LIPK: variants seen among roughly 807,000 people sequenced by gnomAD.
LIPK encodes the protein lipase family member K.
A neutral mutation model predicts 48.6 loss-of-function variants in LIPK; 32 were observed. That is an observed-to-expected ratio of 0.66 (90% confidence interval 0.50 to 0.88). The LOEUF is 0.88. LIPK is among the 40% of genes least tolerant of loss of function. LIPK has a pLI of 0.00. For missense variants in LIPK, 507 were observed against 478.5 expected (o/e 1.06, Z -0.56); for synonymous variants, 164 against 157.4 (o/e 1.04, Z -0.32).
intron 1 of LIPK, among the ~76,000 whole-genome samples, chr10:88,723,362 T>C (rs1455721804): frequency 2.0e-5 from 3 of 152,184 alleles, no homozygotes; most frequent in Non-Finnish European, 4.4e-5. Context: ...TGCACCAGAA[T>C]CAAGCTATAT....
intron 8 of LIPK, among the ~76,000 whole-genome samples, chr10:88,742,849 C>T (rs770468457): frequency 3.7e-4 from 56 of 151,898 alleles, no homozygotes; most frequent in Non-Finnish European, 6.8e-4. Flanking sequence ...TGTATAATAA[C>T]AATAGCAGTA....
intron 6 of LIPK, among the ~76,000 whole-genome samples, chr10:88,735,337 G>A (rs1018505147): frequency 2.6e-5 from 4 of 151,918 alleles, no homozygotes; most frequent in Non-Finnish European, 5.9e-5. Flanking sequence ...CTTTGCTTTT[G>A]ACGTGTCTCT....
At chr10:88,748,126 C>G (rs1394323785) in intron 9 of LIPK, among the ~76,000 whole-genome samples, 1 of 152,108 alleles carries the variant, frequency 6.6e-6, no homozygotes, top group Admixed American at 6.5e-5. Flanking sequence ...GACACGGATG[C>G]AGCTGGAAGC....
intron 9 of LIPK, among the ~76,000 whole-genome samples, chr10:88,747,381 GAACCTAATACAGC>G (rs1465123560): frequency 2.0e-5 from 3 of 152,048 alleles, no homozygotes; most frequent in Non-Finnish European, 2.9e-5. Context: ...AAATACTAGT[GAACCTAATACAGC>G]AACACATCAA....
intron 1 of LIPK, among the ~76,000 whole-genome samples, chr10:88,709,807 A>G (rs1216446892): frequency 6.6e-6 from 1 of 152,120 alleles, no homozygotes. Context: ...AACAATTCAC[A>G]TCGTAAGATT....
intron 1 of LIPK, among the ~76,000 whole-genome samples, chr10:88,715,900 C>G (rs1231537071): frequency 1.3e-5 from 2 of 151,854 alleles, no homozygotes; most frequent in African/African-American, 4.8e-5. Flanking sequence ...TTAAAATATG[C>G]CTACCTCAAG....
At chr10:88,710,217 A>G (rs1469889591) in intron 1 of LIPK, among the ~76,000 whole-genome samples, 1 of 152,164 alleles carries the variant, frequency 6.6e-6, no homozygotes, top group African/African-American at 2.4e-5. Context: ...AATTAAAGCA[A>G]TCTTGTACAA....
At chr10:88,726,752 G>C in intron 2 of LIPK, 43 bp from the exon 3 acceptor site, 1 of 927,720 alleles carries the variant, frequency 1.1e-6, no homozygotes, top group Non-Finnish European at 1.7e-6. Context: ...TAAAAATTAA[G>C]AGATTATAAC....
intron 3 of LIPK, among the ~76,000 whole-genome samples, chr10:88,729,578 A>C (rs1842424027): frequency 6.6e-6 from 1 of 152,238 alleles, no homozygotes; most frequent in Admixed American, 6.5e-5. Context: ...TTCATGAGAC[A>C]AAAAGCTGTA....
At chr10:88,745,091 T>G (rs954141907) in intron 9 of LIPK, among the ~76,000 whole-genome samples, 4 of 152,170 alleles carry the variant, frequency 2.6e-5, no homozygotes, top group African/African-American at 9.6e-5. Flanking sequence ...GAAAAAAGAA[T>G]TTAAAAAATG....
At chr10:88,720,775 C>T (rs547466887) in intron 1 of LIPK, among the ~76,000 whole-genome samples, 2 of 152,010 alleles carry the variant, frequency 1.3e-5, no homozygotes, top group Admixed American at 1.3e-4. Flanking sequence ...AATATGTACA[C>T]ATACATATAT....
At chr10:88,722,776 T>A (rs1042714892) in intron 1 of LIPK, among the ~76,000 whole-genome samples, 2 of 152,150 alleles carry the variant, frequency 1.3e-5, no homozygotes, top group African/African-American at 4.8e-5. Context: ...TCCATGACCA[T>A]CTGTTTGATG....
chr10:88,744,799 A>G (rs979577042), intron 9 of LIPK, among the ~76,000 whole-genome samples: 5 of 152,248 alleles, frequency 3.3e-5, no homozygotes, highest in Non-Finnish European at 7.3e-5. Flanking sequence ...AATGACAGAT[A>G]CACAGTTCAG....
At chr10:88,707,285 T>G (rs1284244265) in intron 1 of LIPK, among the ~76,000 whole-genome samples, 2 of 152,078 alleles carry the variant, frequency 1.3e-5, no homozygotes, top group African/African-American at 4.8e-5. Flanking sequence ...CAATATGAAG[T>G]TAAAGTGCCA....
At chr10:88,746,538 CA>C (rs920299146) in intron 9 of LIPK, among the ~76,000 whole-genome samples, 1 of 152,056 alleles carries the variant, frequency 6.6e-6, no homozygotes, top group Non-Finnish European at 1.5e-5. Flanking sequence ...TAATGAAACA[CA>C]GGCAGAAATC....
At chr10:88,752,286 G>T (rs1177476622) in intron 9 of LIPK, among the ~76,000 whole-genome samples, 3 of 152,096 alleles carry the variant, frequency 2.0e-5, no homozygotes, top group Non-Finnish European at 4.4e-5. Flanking sequence ...TTTCCCAAAC[G>T]TGCAAGTCAG....
intron 4 of LIPK, 73 bp from the exon 5 acceptor site, chr10:88,732,105 C>G (rs1251997174): frequency 5.3e-6 from 5 of 950,256 alleles, no homozygotes; most frequent in Admixed American, 4.4e-5. Context: ...TATGTCTTCA[C>G]TGAACGTGTT....
In LIPK at chr10:88,726,625, C is replaced by T. The variant is rs114258336; in HGVS notation, c.106-170C>T. 4.6e-3 allele frequency among the ~76,000 whole-genome samples: 693 copies of T among 152,226 alleles called. 9 individuals are homozygous for T. Among genetic ancestry groups the T allele is most frequent in the Middle Eastern group, 0.024 (7 of 294 alleles). On this transcript the variant is annotated intron_variant, in intron 2 of 9. Coordinates refer to ENST00000404190, the MANE Select transcript of LIPK (RefSeq NM_001080518.2). The stretch of plus-strand genomic sequence containing the variant: ...GGGAGGATAGCTTGAGCCGAGGAGG[C>T]GAAGGCTGCAGTGAGCCAAGATCAC...
At chr10:88,728,624 C>CG (rs1842396341) in intron 3 of LIPK, 2 of 486,434 alleles carry the variant, frequency 4.1e-6, no homozygotes, top group East Asian at 1.2e-4. Flanking sequence ...CCTTGGGCAT[C>CG]GAGAGCGCCA....
Sources: allele counts gnomAD v4.1 joint callset (sites outside exome capture counted in the v4.1 genomes callset), GRCh38; gene constraint gnomAD v4.1.1; transcripts MANE v1.5; gene names NCBI Gene and HGNC (gene_info 2026-07-23, HGNC 2026-07-21).